Variants in TP73 observed in about 807,000 individuals in gnomAD.
TP73 encodes tumor protein p73, also known as p53-like transcription factor.
Under a neutral mutation model 62.5 loss-of-function variants are expected in TP73, and 25 were observed. The ratio of observed to expected loss-of-function variants is 0.40; its 90% CI spans 0.29 to 0.56. The LOEUF (loss-of-function observed/expected upper bound fraction) is 0.56. Ranked by LOEUF, TP73 falls within the 20% of genes least tolerant of loss-of-function variation. The pLI, the probability that TP73 is intolerant of heterozygous loss-of-function variation, is 0.46. For synonymous variants in TP73, 423 were observed against 377.5 expected (o/e 1.12, Z -1.40); for missense variants, 754 against 913.3 (o/e 0.83, Z 2.25).
At position 3,672,020 on chromosome 1, in the gene TP73, G is replaced by A. The variant is rs1645252806; in HGVS notation, c.-33-10313G>A. Among the ~76,000 whole-genome samples the A allele has an allele frequency of 6.6e-6, 1 of 152,176 alleles. No individual in the cohort carries two copies. The highest frequency in any genetic ancestry group is 1.9e-4 in the East Asian group (1 of 5,190). Reference sequence around the variant, plus strand: ...TCAGAGGGACGCATGACAAGTTCAGGGAGTTGACAGCTGTCTGGAAGGGCA... The same window carrying A: ...TCAGAGGGACGCATGACAAGTTCAGAGAGTTGACAGCTGTCTGGAAGGGCA... On this transcript the variant is annotated intron_variant, in intron 1 of 13. Transcript: ENST00000378295. The surrounding 1 kb of genome is among the most constrained non-coding windows in gnomAD (Gnocchi z 5.3).
rs1461110795 is a variant in TP73, at chr1:3,672,537, G to T, written c.-33-9796G>T. On this transcript the variant is annotated intron_variant, in intron 1 of 13. Coordinates refer to ENST00000378295, the MANE Select transcript of TP73 (RefSeq NM_005427.4). The surrounding 1 kb of genome is among the most constrained non-coding windows in gnomAD (Gnocchi z 5.3). Reference sequence around the variant, plus strand: ...CTGTACTCATCACCTGTGAACACAGGTATCGACTCAGACACCCACTCTGGC... The same window carrying T: ...CTGTACTCATCACCTGTGAACACAGTTATCGACTCAGACACCCACTCTGGC... 6.6e-6 allele frequency among the ~76,000 whole-genome samples: 1 copy of T among 152,056 alleles called. No homozygotes were observed. The highest frequency in any genetic ancestry group is 1.5e-5 in the Non-Finnish European group (1 of 67,972).
At chr1:3,715,557 C>T (rs1488818375) in intron 4 of TP73, among the ~76,000 whole-genome samples, 1 of 152,064 alleles carries the variant, frequency 6.6e-6, no homozygotes, top group Non-Finnish European at 1.5e-5. Flanking sequence ...CCTCCCAGGG[C>T]CAAGGTCAGG....
chr1:3,723,190 G>T (rs1305549169), intron 5 of TP73, among the ~76,000 whole-genome samples, 164 bp from the exon 6 acceptor site: 1 of 149,490 alleles, frequency 6.7e-6, no homozygotes, highest in Non-Finnish European at 1.5e-5. Context: ...CCTGACATGG[G>T]GCTGGGCACT....
intron 1 of TP73, among the ~76,000 whole-genome samples, chr1:3,679,177 T>C (rs1645447756): frequency 6.6e-6 from 1 of 152,172 alleles, no homozygotes; most frequent in Non-Finnish European, 1.5e-5. Flanking sequence ...TGTTCCTCAT[T>C]CAGGGTTCAG....
chr1:3,654,935 C>T (rs1644834161), intron 1 of TP73, among the ~76,000 whole-genome samples: 1 of 152,266 alleles, frequency 6.6e-6, no homozygotes, highest in South Asian at 2.1e-4. Context: ...AGAGAAGAGG[C>T]TGAGGGCCGA....
intron 9 of TP73, among the ~76,000 whole-genome samples, 171 bp downstream of exon 9, chr1:3,728,388 C>G (rs1470006069): frequency 6.6e-6 from 1 of 152,178 alleles, no homozygotes; most frequent in Non-Finnish European, 1.5e-5. Context: ...AAGAGCCAGA[C>G]CAGCAGGACC....
At chr1:3,720,363 A>G (rs1206233114) in intron 4 of TP73, among the ~76,000 whole-genome samples, 1 of 152,168 alleles carries the variant, frequency 6.6e-6, no homozygotes, top group Non-Finnish European at 1.5e-5. Context: ...GGGGCAGTGG[A>G]GCCACTCTGG....
At chr1:3,679,379 G>A (rs145966089) in intron 1 of TP73, among the ~76,000 whole-genome samples, 8 of 152,296 alleles carry the variant, frequency 5.3e-5, no homozygotes, top group African/African-American at 1.4e-4. Context: ...GTAGGGGTGC[G>A]GCGGGATGCC....
chr1:3,727,204 C>T lies in TP73; in HGVS notation c.822C>T (p.Ile274=). ...TGAACCGGCGGCCCATCCTCATCAT[C>T]ATCACCCTGGAGATGCGGGAGTGAG... is the stretch of plus-strand genomic sequence containing the variant. The part of the protein sequence containing the change: ...GGMNRRPILI[I]ITLEMRDGQV... Residue 274 remains isoleucine, a synonymous_variant, in exon 7 of 14, where the codon ATC becomes ATT. Transcript: ENST00000378295. The T allele has an allele frequency of 6.2e-7, 1 of 1,612,174 alleles. No homozygotes were observed. Among genetic ancestry groups the T allele is most frequent in the East Asian group, 2.2e-5 (1 of 44,868 alleles).
chr1:3,673,507 G>T (rs1206704275), intron 1 of TP73, among the ~76,000 whole-genome samples: 1 of 152,226 alleles, frequency 6.6e-6, no homozygotes, highest in Non-Finnish European at 1.5e-5. Context: ...CTTCTAGGAG[G>T]CACTACAATT....
intron 1 of TP73, among the ~76,000 whole-genome samples, chr1:3,680,089 CTCTCTGTCTCTCTG>C (rs1645485729): frequency 6.6e-6 from 1 of 151,938 alleles, no homozygotes; most frequent in Admixed American, 6.6e-5. Flanking sequence ...GTCCTTGTTT[CTCTCTGTCTCTCTG>C]TCTCTGTCTC....
In TP73 at chr1:3,732,825, G is replaced by A. The variant is rs544945068; in HGVS notation, c.1657G>A (p.Asp553Asn). The A allele has an allele frequency of 1.2e-6, 2 of 1,610,046 alleles. No individual in the cohort carries two copies. Among genetic ancestry groups the A allele is most frequent in the East Asian group, 2.2e-5 (1 of 44,802 alleles). ...CCTGCAGGACCTGAAGCAGGGCCAC[G>A]ACTACAGCACCGCGCAGCAGCTGCT... Reference protein sequence around the residue: ...RGLQDLKQGHDYSTAQQLLRS... With the variant: ...RGLQDLKQGHNYSTAQQLLRS... Residue 553 changes from aspartate to asparagine, a missense_variant, in exon 14 of 14, where the codon GAC becomes AAC. This residue lies in a region of TP73 where 458 missense variants were observed against 528.7 expected (regional missense o/e 0.87). Transcript: ENST00000378295.
chr1:3,731,634 T>C (rs757265061), intron 13 of TP73, 78 bp downstream of exon 13: 62 of 1,323,648 alleles, frequency 4.7e-5, no homozygotes, highest in Non-Finnish European at 6.5e-5. Context: ...AGCCTTCTCT[T>C]CCTTGCTCTC....
Position 3,727,726 on chromosome 1 carries a change from C to A in TP73, c.941C>A (p.Ala314Asp). The change falls in exon 8 of 14, where the codon GCC (alanine) becomes GAC (aspartate). Residue 314 changes from alanine to aspartate, a missense_variant. By Grantham distance (126) the Ala-to-Asp change is moderately radical. Coordinates refer to ENST00000378295, the MANE Select transcript of TP73 (RefSeq NM_005427.4). Reference protein sequence around the residue: ...ADEDHYREQQALNESSAKNGA... With the variant: ...ADEDHYREQQDLNESSAKNGA... Reference sequence around the variant, plus strand: ...GAGGACCACTACCGGGAGCAGCAGGCCCTGAACGAGAGCTCCGCCAAGAAC... The same window carrying A: ...GAGGACCACTACCGGGAGCAGCAGGACCTGAACGAGAGCTCCGCCAAGAAC... The A allele has an allele frequency of 6.4e-7, 1 of 1,563,024 alleles. No homozygotes were observed. The highest frequency in any genetic ancestry group is 8.7e-7 in the Non-Finnish European group (1 of 1,155,098).
chr1:3,691,354 A>G (rs1242491103), intron 3 of TP73, among the ~76,000 whole-genome samples: 2 of 152,024 alleles, frequency 1.3e-5, no homozygotes, highest in Non-Finnish European at 2.9e-5. Flanking sequence ...CCTAGAAGTC[A>G]TCTTTGCTCC....
intron 4 of TP73, among the ~76,000 whole-genome samples, chr1:3,717,253 C>T (rs1640680013): frequency 6.6e-6 from 1 of 152,256 alleles, no homozygotes; most frequent in South Asian, 2.1e-4. Flanking sequence ...TCCCCTCACC[C>T]ACCCCCGCAC....
rs201428127 is a variant in TP73, at chr1:3,682,380, C to T, written c.15C>T (p.Thr5=). 1.1e-4 allele frequency: 173 copies of T among 1,558,222 alleles called. No individual in the cohort carries two copies. Among genetic ancestry groups the T allele is most frequent in the Non-Finnish European group, 1.4e-4 (157 of 1,148,336 alleles). Residue 5 remains threonine, a synonymous_variant, in exon 2 of 14, where the codon ACC becomes ACT. Transcript: ENST00000378295. The part of the protein sequence containing the change: MAQS[T]ATSPDGGTTF... ...GCGTGGGGAAGATGGCCCAGTCCAC[C>T]GCCACCTCCCCTGATGGGGGCACCA...
chr1:3,681,896 T>A (rs1262946585), intron 1 of TP73, among the ~76,000 whole-genome samples: 1 of 109,172 alleles, frequency 9.2e-6, no homozygotes, highest in Non-Finnish European at 2.2e-5. Context: ...GGCCCAAGCA[T>A]CCCCCAGGCC....
intron 3 of TP73, among the ~76,000 whole-genome samples, chr1:3,707,282 A>T (rs1220040194): frequency 6.6e-6 from 1 of 152,186 alleles, no homozygotes; most frequent in Non-Finnish European, 1.5e-5. Context: ...CCAGGTGTGC[A>T]GAGAGTCTAT....
Sources: gnomAD v4.1 joint callset for allele counts (sites outside exome capture counted in the v4.1 genomes callset) on GRCh38, gnomAD v4.1.1 for gene constraint, gnomAD v4.1.1 regional missense constraint, Gnocchi (gnomAD v3.1) non-coding constraint, MANE v1.5 for transcripts, NCBI Gene and HGNC (gene_info 2026-07-23, HGNC 2026-07-21) for gene names.